Variants in RUFY4 observed in about 807,000 individuals in gnomAD.
The protein encoded by RUFY4 is RUN and FYVE domain-containing protein 4.
RUFY4 carries 73 observed loss-of-function variants against 69.0 expected under a neutral mutation model. The observed-to-expected ratio is 1.06, with a 90% CI of 0.88 to 1.29. The LOEUF is 1.29. RUFY4 is among the 50% of genes most tolerant of loss of function. RUFY4 has a pLI of 0.00. For missense variants in RUFY4, 770 were observed against 705.6 expected (o/e 1.09, Z -1.03); for synonymous variants, 287 against 271.8 (o/e 1.06, Z -0.55).
chr2:218,075,726 C>G, exon 7 of RUFY4: 2 of 1,445,802 alleles, frequency 1.4e-6, no homozygotes, highest in Non-Finnish European at 1.8e-6. Flanking sequence ...GGTGTCCCTG[C>G]AGGACGAGAT....
At chr2:218,081,979 C>T (rs1689768707) in intron 8 of RUFY4, among the ~76,000 whole-genome samples, 1 of 152,236 alleles carries the variant, frequency 6.6e-6, no homozygotes, top group Non-Finnish European at 1.5e-5. Context: ...CTGGCACAGA[C>T]ACGTACATGC....
At chr2:218,035,969 T>C (rs1175209988) in intron 2 of RUFY4, among the ~76,000 whole-genome samples, 1 of 152,188 alleles carries the variant, frequency 6.6e-6, no homozygotes, top group Non-Finnish European at 1.5e-5. Flanking sequence ...CCCAGCCTAG[T>C]GTCCACATGG....
In RUFY4 at chr2:218,076,408, C is replaced by T. The variant is rs1308114864; in HGVS notation, c.1249-19C>T. 6.5e-7 allele frequency: 1 copy of T among 1,548,104 alleles called. No individual in the cohort carries two copies. On this transcript the variant is annotated intron_variant, in intron 7 of 10. Transcript: ENST00000344321. ...GCCCTTCTCCTTCAGCCTCCTTCTC[C>T]CCTCCTTCCACCCCACAGAGCCTCA... is the stretch of plus-strand genomic sequence containing the variant.
chr2:218,090,004 G>A (rs1689994198), exon 11 of RUFY4: 1 of 1,567,694 alleles, frequency 6.4e-7, no homozygotes, highest in Non-Finnish European at 8.6e-7. Flanking sequence ...CAAGAAGAGA[G>A]ACCGCTGCTG....
chr2:218,048,774 C>A (rs1242437607), intron 2 of RUFY4, among the ~76,000 whole-genome samples: 2 of 151,940 alleles, frequency 1.3e-5, no homozygotes, highest in African/African-American at 4.8e-5. Context: ...CCTTTAGTGT[C>A]ATTTTTAGTG....
At chr2:218,078,550 G>A (rs1006130201) in intron 8 of RUFY4, among the ~76,000 whole-genome samples, 3 of 152,156 alleles carry the variant, frequency 2.0e-5, no homozygotes, top group Non-Finnish European at 2.9e-5. Flanking sequence ...GAAGTGCCTC[G>A]ACTTTGACTC....
intron 2 of RUFY4, among the ~76,000 whole-genome samples, chr2:218,071,118 T>C (rs4074801): frequency 0.53 from 80,483 of 152,062 alleles, 22,476 homozygotes; most frequent in African/African-American, 0.69. Flanking sequence ...CTGCTTAAAC[T>C]TTCAGAGGCA....
upstream of RUFY4, among the ~76,000 whole-genome samples, chr2:218,064,996 A>G (rs1157358448): frequency 2.0e-5 from 3 of 152,164 alleles, no homozygotes; most frequent in Non-Finnish European, 4.4e-5. Context: ...ACATCTGGGC[A>G]GGCAGTCCTA....
At chr2:218,086,038 A>G (rs1689886712) in intron 9 of RUFY4, among the ~76,000 whole-genome samples, 1 of 152,260 alleles carries the variant, frequency 6.6e-6, no homozygotes, top group South Asian at 2.1e-4. Flanking sequence ...GATGCTATAA[A>G]AAGCAGCTGT....
chr2:218,044,519 G>C (rs1326109284), intron 2 of RUFY4, among the ~76,000 whole-genome samples: 1 of 152,054 alleles, frequency 6.6e-6, no homozygotes, highest in Non-Finnish European at 1.5e-5. Flanking sequence ...TTGTTGTACA[G>C]ATTATTTTGT....
At chr2:218,056,355 C>CAATCAG (rs1262099344) in intron 2 of RUFY4, among the ~76,000 whole-genome samples, 2 of 151,812 alleles carry the variant, frequency 1.3e-5, no homozygotes, top group African/African-American at 4.8e-5. Context: ...CTGATGCCTG[C>CAATCAG]CAGAATAATC....
chr2:218,037,754 A>G (rs1959000713), intron 2 of RUFY4, among the ~76,000 whole-genome samples: 1 of 152,252 alleles, frequency 6.6e-6, no homozygotes, highest in Non-Finnish European at 1.5e-5. Flanking sequence ...ATATCCTGTT[A>G]TAAAGAGAAC....
chr2:218,076,362 A>C, intron 7 of RUFY4, 65 bp from the exon 10 acceptor site: 1 of 1,526,302 alleles, frequency 6.6e-7, no homozygotes, highest in Non-Finnish European at 8.8e-7. Context: ...TGTTCAGGTC[A>C]GCCCCAGCAC....
upstream of RUFY4, among the ~76,000 whole-genome samples, chr2:218,067,551 C>T (rs1350792142): frequency 6.6e-6 from 1 of 152,198 alleles, no homozygotes. Flanking sequence ...CAGCAGCAAC[C>T]CCCACTGGAG....
At chr2:218,089,415 C>A in intron 10 of RUFY4, 53 bp downstream of exon 12, 2 of 1,499,072 alleles carry the variant, frequency 1.3e-6, no homozygotes, top group Non-Finnish European at 1.8e-6. Context: ...TTTCCACCAG[C>A]TGACAGCCCC....
chr2:218,072,935 CT>C (rs1275062956), intron 4 of RUFY4, 50 bp downstream of exon 6: 6 of 1,412,670 alleles, frequency 4.2e-6, no homozygotes, highest in African/African-American at 1.4e-5. Flanking sequence ...GCCACTTTCC[CT>C]CCTTTGTAAA....
chr2:218,039,199 G>A (rs982003848), intron 2 of RUFY4, among the ~76,000 whole-genome samples: 14 of 152,148 alleles, frequency 9.2e-5, no homozygotes, highest in Non-Finnish European at 7.3e-5. Context: ...AAATAGGCTT[G>A]CCAGTGGCAG....
intron 2 of RUFY4, among the ~76,000 whole-genome samples, chr2:218,036,914 A>G (rs890222964): frequency 2.6e-5 from 4 of 152,230 alleles, no homozygotes; most frequent in Non-Finnish European, 4.4e-5. Context: ...GCCCAGCTCC[A>G]GCTTATAAGG....
At chr2:218,052,288 C>A (rs1223159139) in intron 2 of RUFY4, among the ~76,000 whole-genome samples, 1 of 152,166 alleles carries the variant, frequency 6.6e-6, no homozygotes, top group Non-Finnish European at 1.5e-5. Context: ...CAGTGTAAGT[C>A]GACTCTGTAC....
Sources: allele counts gnomAD v4.1 joint callset (sites outside exome capture counted in the v4.1 genomes callset), GRCh38; gene constraint gnomAD v4.1.1; transcripts MANE v1.5; gene names NCBI Gene and HGNC (gene_info 2026-07-23, HGNC 2026-07-21).